The following CSGALNACT1 variants were observed in gnomAD, a reference collection of about 807,000 sequenced individuals.
The protein encoded by CSGALNACT1 is beta4GalNAcT-1.
Under a neutral mutation model 51.0 loss-of-function variants are expected in CSGALNACT1, and 52 were observed. That is an observed-to-expected ratio of 1.02 (90% CI 0.82 to 1.29). CSGALNACT1 has a LOEUF of 1.29. Among genes scored for constraint, CSGALNACT1 ranks in the 50% most tolerant of loss-of-function variants. CSGALNACT1 has a pLI of 0.00. For synonymous variants in CSGALNACT1, 341 were observed against 254.4 expected, an observed-to-expected ratio of 1.34 and a Z score of -3.24; for missense variants, 935 against 679.2, an observed-to-expected ratio of 1.38 and a Z score of -4.19.
At chr8:19,445,367 G>T (rs1396521177) in intron 5 of CSGALNACT1, among the ~76,000 whole-genome samples, 1 of 152,168 alleles carries the variant, frequency 6.6e-6, no homozygotes, top group African/African-American at 2.4e-5. Context: ...TGAAGAAAAA[G>T]CATTCTCATT....
chr8:19,564,436 C>G (rs764033961), intron 3 of CSGALNACT1, among the ~76,000 whole-genome samples: 6 of 149,372 alleles, frequency 4.0e-5, no homozygotes, highest in Middle Eastern at 3.2e-3. Flanking sequence ...CAAGATATTT[C>G]TAATGGGAAG....
chr8:19,581,558 G>A (rs7816564), intron 3 of CSGALNACT1, among the ~76,000 whole-genome samples: 2,211 of 152,252 alleles, frequency 0.015, 49 homozygotes, highest in African/African-American at 0.05. Context: ...AGTGAGCCGA[G>A]ATCGTGCCAC....
chr8:19,529,499 T>G (rs528817617), intron 3 of CSGALNACT1, among the ~76,000 whole-genome samples: 1 of 152,324 alleles, frequency 6.6e-6, no homozygotes, highest in Admixed American at 6.5e-5. Context: ...ACTTTGACGT[T>G]TGGGCTCTTA....
chr8:19,504,420 C>T (rs2076944529), intron 4 of CSGALNACT1, among the ~76,000 whole-genome samples: 1 of 152,166 alleles, frequency 6.6e-6, no homozygotes, highest in South Asian at 2.1e-4. Flanking sequence ...AACTAGATGT[C>T]CTTGAAGGTA....
chr8:19,514,282 A>C (rs947485577), intron 3 of CSGALNACT1, among the ~76,000 whole-genome samples: 1 of 151,606 alleles, frequency 6.6e-6, no homozygotes, highest in Non-Finnish European at 1.5e-5. Context: ...TCCAGCCCTG[A>C]CACCGAGCTA....
intron 1 of CSGALNACT1, among the ~76,000 whole-genome samples, chr8:19,667,517 G>A (rs755177022): frequency 1.4e-5 from 2 of 147,302 alleles, no homozygotes; most frequent in Non-Finnish European, 3.0e-5. Context: ...TTCTCACAAC[G>A]GTAAGAGAAC....
At chr8:19,541,446 G>A (rs997788749) in intron 3 of CSGALNACT1, among the ~76,000 whole-genome samples, 2 of 150,808 alleles carry the variant, frequency 1.3e-5, no homozygotes, top group Admixed American at 6.6e-5. Flanking sequence ...TAGAGATGGG[G>A]TTTCACTATG....
At chr8:19,428,774 G>C (rs1442506280) in intron 6 of CSGALNACT1, among the ~76,000 whole-genome samples, 1 of 151,574 alleles carries the variant, frequency 6.6e-6, no homozygotes, top group East Asian at 1.9e-4. Context: ...AGGACACAAG[G>C]TGTTTAAGAC....
intron 4 of CSGALNACT1, among the ~76,000 whole-genome samples, chr8:19,484,743 A>G (rs1396823496): frequency 6.6e-6 from 1 of 152,180 alleles, no homozygotes. Context: ...GTGTTTGGAG[A>G]ATACCAAGAA....
chr8:19,465,541 T>C (rs1413363548), intron 4 of CSGALNACT1, among the ~76,000 whole-genome samples: 2 of 152,182 alleles, frequency 1.3e-5, no homozygotes, highest in African/African-American at 4.8e-5. Context: ...TCTGAAAAAG[T>C]CTAGCAGTTT....
intron 3 of CSGALNACT1, among the ~76,000 whole-genome samples, chr8:19,577,971 GAA>G (rs2044660943): frequency 6.6e-6 from 1 of 152,162 alleles, no homozygotes; most frequent in Admixed American, 6.5e-5. Context: ...TTGGCATGCG[GAA>G]TAACTGGATC....
chr8:19,666,435 C>T (rs1388144658), intron 1 of CSGALNACT1, among the ~76,000 whole-genome samples: 3 of 152,230 alleles, frequency 2.0e-5, no homozygotes, highest in South Asian at 2.1e-4. Flanking sequence ...TTGCTCACAC[C>T]TGTAATCCCA....
At chr8:19,590,206 C>T (rs2154132303) in intron 3 of CSGALNACT1, among the ~76,000 whole-genome samples, 1 of 152,306 alleles carries the variant, frequency 6.6e-6, no homozygotes, top group South Asian at 2.1e-4. Context: ...CAAATCATCC[C>T]AGAAAATTTC....
At position 19,727,540 on chromosome 8, in the gene CSGALNACT1, G is replaced by A. The variant is rs537066827; in HGVS notation, c.-297+30310C>T. Among the ~76,000 whole-genome samples the A allele has an allele frequency of 5.3e-5, 8 of 152,184 alleles. No individual in the cohort carries two copies. In the South Asian group the frequency reaches 1.5e-3, roughly 28 times the overall value. ...AAATTTTTGTATTTTGTGTAGAGAT[G>A]GGGTTTCAACATGTTGCCCAGGCTG... On this transcript the variant is annotated intron_variant, in intron 1 of 1. Transcript: ENST00000517494.
chr8:19,695,946 T>C (rs2154218103), intron 1 of CSGALNACT1, among the ~76,000 whole-genome samples: 1 of 152,334 alleles, frequency 6.6e-6, no homozygotes, highest in East Asian at 1.9e-4. Context: ...GATGGTATTG[T>C]TAAGGTTTAT....
At chr8:19,677,484 G>A (rs2060280776) in intron 1 of CSGALNACT1, among the ~76,000 whole-genome samples, 1 of 152,100 alleles carries the variant, frequency 6.6e-6, no homozygotes, top group African/African-American at 2.4e-5. Context: ...AAAAACTAAT[G>A]GTACCAGGAC....
At chr8:19,440,335 C>T (rs1389656391) in intron 5 of CSGALNACT1, among the ~76,000 whole-genome samples, 2 of 151,910 alleles carry the variant, frequency 1.3e-5, no homozygotes, top group East Asian at 1.9e-4. Flanking sequence ...ACTGGCAAAC[C>T]GAATTCAGCA....
rs2065447052 is a variant in CSGALNACT1 at position 19,757,099 on chromosome 8, G to T, written c.-297+751C>A. 1 of 149,956 alleles carries T rather than the reference G, an allele frequency of 6.7e-6. No individual in the cohort carries two copies. Among genetic ancestry groups the T allele is most frequent in the African/African-American group, 2.4e-5 (1 of 41,144 alleles). 9.3% of individuals were successfully genotyped at this position (149,956 alleles called of 1,614,324 possible). ...CGGGGTGGGCGGGCGCGAGCTAGGC[G>T]CGCGGGGCTGTGGGGATCTGCCGGC... is the stretch of plus-strand genomic sequence containing the variant. On this transcript the variant is annotated intron_variant, in intron 1 of 1. Coordinates refer to the CSGALNACT1 transcript ENST00000517494. The surrounding 1 kb of genome is among the most constrained non-coding windows in gnomAD (Gnocchi z 4.0).
intron 3 of CSGALNACT1, among the ~76,000 whole-genome samples, chr8:19,529,124 C>A (rs1482768732): frequency 6.6e-6 from 1 of 152,092 alleles, no homozygotes; most frequent in Non-Finnish European, 1.5e-5. Context: ...CTGAGAACTG[C>A]AACAAAGCTC....
Sources: gnomAD v4.1 joint callset for allele counts (sites outside exome capture counted in the v4.1 genomes callset) on GRCh38, gnomAD v4.1.1 for gene constraint, Gnocchi (gnomAD v3.1) non-coding constraint, MANE v1.5 for transcripts, NCBI Gene and HGNC (gene_info 2026-07-23, HGNC 2026-07-21) for gene names.